Variants in PTPRD observed in about 807,000 individuals in gnomAD.
The protein encoded by PTPRD is protein tyrosine phosphatase receptor type D, also known as receptor-type tyrosine-protein phosphatase delta.
A neutral mutation model predicts 214.5 loss-of-function variants in PTPRD; 34 were observed. The ratio of observed to expected loss-of-function variants is 0.16; its 90% confidence interval spans 0.12 to 0.21. The LOEUF is 0.21. Among genes scored for constraint, PTPRD ranks in the 10% least tolerant of loss-of-function variants. The pLI is 1.00. For synonymous variants in PTPRD, 1,128 were observed against 845.7 expected (o/e 1.33, Z -5.79); for missense variants, 2,545 against 2,398.7 (o/e 1.06, Z -1.27).
chr9:9,131,613 G>T, intron 10 of PTPRD, among the ~76,000 whole-genome samples: 1 of 152,128 alleles, frequency 6.6e-6, no homozygotes, highest in South Asian at 2.1e-4. Flanking sequence ...CATAGTAATA[G>T]TTACTTGGAC....
intron 17 of PTPRD, 98 bp downstream of exon 17, chr9:8,526,529 T>G: frequency 1.8e-6 from 2 of 1,093,256 alleles, no homozygotes; most frequent in East Asian, 2.6e-5. Context: ...TGATGGACAT[T>G]ATTGGAATGA....
chr9:9,105,361 A>T (rs148782035), intron 10 of PTPRD, among the ~76,000 whole-genome samples: 3 of 152,158 alleles, frequency 2.0e-5, no homozygotes, highest in African/African-American at 7.2e-5. Context: ...TTCTATGCAG[A>T]TTCTCTAAGT....
At chr9:9,171,077 A>T (rs951322231) in intron 10 of PTPRD, among the ~76,000 whole-genome samples, 2 of 152,128 alleles carry the variant, frequency 1.3e-5, no homozygotes, top group African/African-American at 4.8e-5. Context: ...TTCTCAGAAA[A>T]ATATAAACAT....
chr9:10,503,209 A>AAAAAAAAAAC (rs1566570259), intron 2 of PTPRD, among the ~76,000 whole-genome samples: 4 of 92,968 alleles, frequency 4.3e-5, no homozygotes, highest in Non-Finnish European at 8.0e-5. Context: ...AAAAAAAAAC[A>AAAAAAAAAAC]AAAAAAAACA....
chr9:8,453,011 T>C (rs2096021020), intron 33 of PTPRD, among the ~76,000 whole-genome samples: 1 of 152,200 alleles, frequency 6.6e-6, no homozygotes, highest in Non-Finnish European at 1.5e-5. Flanking sequence ...AAGAATGTAA[T>C]CCCAACTCTG....
chr9:9,318,727 C>A (rs937951806), intron 9 of PTPRD, among the ~76,000 whole-genome samples: 5 of 152,100 alleles, frequency 3.3e-5, no homozygotes, highest in Admixed American at 3.3e-4. Context: ...AACATCCAGA[C>A]AGTTGTCTAC....
At chr9:8,706,023 C>T (rs79220968) in intron 12 of PTPRD, among the ~76,000 whole-genome samples, 3,823 of 152,222 alleles carry the variant, frequency 0.025, 76 homozygotes, top group Non-Finnish European at 0.038. Context: ...TTCACTACTG[C>T]TATCTTGTCG....
chr9:9,285,033 T>G (rs1474117410), intron 9 of PTPRD, among the ~76,000 whole-genome samples: 1 of 151,788 alleles, frequency 6.6e-6, no homozygotes, highest in South Asian at 2.1e-4. Flanking sequence ...TAAATTTTCA[T>G]GAATAGGCCT....
intron 9 of PTPRD, among the ~76,000 whole-genome samples, chr9:9,204,984 T>A (rs1056573792): frequency 6.6e-6 from 1 of 152,204 alleles, no homozygotes; most frequent in Non-Finnish European, 1.5e-5. Context: ...TGTGTGACTA[T>A]TGAAGAATGC....
At chr9:8,728,657 T>G (rs2098616185) in intron 12 of PTPRD, among the ~76,000 whole-genome samples, 1 of 152,238 alleles carries the variant, frequency 6.6e-6, no homozygotes, top group African/African-American at 2.4e-5. Context: ...TTGCCCTGCT[T>G]TCAACATCAT....
At chr9:9,311,434 C>T (rs1384221469) in intron 9 of PTPRD, among the ~76,000 whole-genome samples, 2 of 152,052 alleles carry the variant, frequency 1.3e-5, no homozygotes, top group Non-Finnish European at 2.9e-5. Flanking sequence ...ACAAAATCAT[C>T]CCCCTAAAAC....
intron 9 of PTPRD, among the ~76,000 whole-genome samples, chr9:9,360,857 C>A (rs1596357763): frequency 6.6e-6 from 1 of 151,102 alleles, no homozygotes; most frequent in Middle Eastern, 3.4e-3. Flanking sequence ...TACTGTTATT[C>A]AGAAATATCT....
intron 26 of PTPRD, among the ~76,000 whole-genome samples, chr9:8,496,340 T>A (rs1424971401): frequency 6.6e-6 from 1 of 152,198 alleles, no homozygotes; most frequent in Non-Finnish European, 1.5e-5. Context: ...TTATTGACAC[T>A]GTCCACTAAT....
At chr9:10,056,847 T>C (rs1411011649) in intron 3 of PTPRD, among the ~76,000 whole-genome samples, 1 of 152,188 alleles carries the variant, frequency 6.6e-6, no homozygotes, top group East Asian at 1.9e-4. Context: ...TATTATTTAT[T>C]GCACAGAAGC....
intron 11 of PTPRD, among the ~76,000 whole-genome samples, chr9:8,934,842 A>C (rs1200989756): frequency 6.6e-6 from 1 of 151,828 alleles, no homozygotes; most frequent in African/African-American, 2.4e-5. Flanking sequence ...TGGATTCCAT[A>C]CGTAAGTGAG....
chr9:9,336,223 G>C (rs915142205), intron 9 of PTPRD, among the ~76,000 whole-genome samples: 1 of 151,994 alleles, frequency 6.6e-6, no homozygotes, highest in Non-Finnish European at 1.5e-5. Context: ...TTCCTCCAGA[G>C]AGAGTTACAC....
chr9:9,836,487 A>G (rs928545035), intron 5 of PTPRD, among the ~76,000 whole-genome samples: 2 of 152,148 alleles, frequency 1.3e-5, no homozygotes, highest in Non-Finnish European at 2.9e-5. Context: ...TCGCCTGACT[A>G]CTACCACTGA....
intron 11 of PTPRD, among the ~76,000 whole-genome samples, chr9:8,773,888 A>G (rs1022073958): frequency 2.0e-5 from 3 of 152,140 alleles, no homozygotes; most frequent in South Asian, 2.1e-4. Context: ...AGTCTTATTC[A>G]TTCATGAGTG....
intron 8 of PTPRD, among the ~76,000 whole-genome samples, chr9:9,513,179 G>C (rs976605928): frequency 1.3e-5 from 2 of 151,822 alleles, no homozygotes; most frequent in Non-Finnish European, 1.5e-5. Context: ...GTCTTTTCAA[G>C]GGATATAACT....
Sources: gnomAD v4.1 joint callset for allele counts (sites outside exome capture counted in the v4.1 genomes callset) on GRCh38, gnomAD v4.1.1 for gene constraint, MANE v1.5 for transcripts, NCBI Gene and HGNC (gene_info 2026-07-23, HGNC 2026-07-21) for gene names.